Variants in STK32B observed in about 807,000 individuals in gnomAD.
STK32B encodes the protein serine/threonine kinase 32B.
A neutral mutation model predicts 52.6 loss-of-function variants in STK32B; 43 were observed. The observed-to-expected ratio is 0.82, with a 90% confidence interval of 0.64 to 1.05. The LOEUF (loss-of-function observed/expected upper bound fraction) is 1.05, where lower values mean the gene tolerates loss of function less well. STK32B is among the 50% of genes least tolerant of loss of function. STK32B has a pLI of 0.00. For missense variants in STK32B, 621 were observed against 534.6 expected (o/e 1.16, Z -1.59); for synonymous variants, 238 against 204.3 (o/e 1.17, Z -1.41).
intron 1 of STK32B, among the ~76,000 whole-genome samples, chr4:5,098,159 C>T (rs974253638): frequency 1.3e-5 from 2 of 152,192 alleles, no homozygotes; most frequent in African/African-American, 4.8e-5. Context: ...CAGAAATAGA[C>T]CCCATCTCTT....
At position 5,160,024 on chromosome 4, in the gene STK32B, T is replaced by G. The variant is rs189719052; in HGVS notation, c.109-8275T>G. Among the ~76,000 whole-genome samples the G allele has an allele frequency of 5.7e-4, 87 of 152,092 alleles. 1 individual carries two copies. Among genetic ancestry groups the G allele is most frequent in the African/African-American group, 2.0e-3 (85 of 41,474 alleles). On this transcript the variant is annotated intron_variant, in intron 2 of 11. Transcript: ENST00000282908. ...CAGGTTGGAGGAAGTCCATCCATAT[T>G]ACAGAGGGCAATCCTGTCTTCAAAG...
chr4:5,020,055 C>A, the STK32B span, among the ~76,000 whole-genome samples: 7 of 152,178 alleles, frequency 4.6e-5, no homozygotes, highest in African/African-American at 1.7e-4. Flanking sequence ...GTCTCTCGGT[C>A]CGGAGGATGG....
At chr4:5,339,904 T>C (rs556283125) in intron 4 of STK32B, among the ~76,000 whole-genome samples, 1 of 152,292 alleles carries the variant, frequency 6.6e-6, no homozygotes, top group East Asian at 1.9e-4. Flanking sequence ...GAACTGGCCT[T>C]GAAATCTGAT....
At chr4:5,257,095 ATGAG>A (rs763684326) in intron 3 of STK32B, among the ~76,000 whole-genome samples, 17 of 147,732 alleles carry the variant, frequency 1.2e-4, no homozygotes, top group Middle Eastern at 3.5e-3. Flanking sequence ...GAATGAATGA[ATGAG>A]TGAGTGAACA....
chr4:5,319,731 A>G (rs1177495851), intron 3 of STK32B, among the ~76,000 whole-genome samples: 2 of 152,200 alleles, frequency 1.3e-5, no homozygotes, highest in Admixed American at 6.5e-5. Context: ...TTAGTTCAGA[A>G]GAAAGAGATT....
chr4:5,296,545 T>C (rs901221390), intron 3 of STK32B, among the ~76,000 whole-genome samples: 2 of 152,222 alleles, frequency 1.3e-5, no homozygotes, highest in African/African-American at 4.8e-5. Context: ...TTGATCTTTG[T>C]TGGTTTACAG....
chr4:5,445,731 G>C (rs1715342719), intron 6 of STK32B, among the ~76,000 whole-genome samples: 1 of 152,174 alleles, frequency 6.6e-6, no homozygotes, highest in Non-Finnish European at 1.5e-5. Context: ...CATTCACAAT[G>C]TTTTATGAGC....
intron 3 of STK32B, among the ~76,000 whole-genome samples, chr4:5,241,359 T>C (rs1725008796): frequency 6.6e-6 from 1 of 152,152 alleles, no homozygotes; most frequent in African/African-American, 2.4e-5. Context: ...TACAAAAACT[T>C]ATGTAAATTG....
chr4:5,385,100 G>T (rs1560371099), intron 4 of STK32B, among the ~76,000 whole-genome samples: 1 of 152,104 alleles, frequency 6.6e-6, no homozygotes, highest in Admixed American at 6.5e-5. Flanking sequence ...TGACGTGATG[G>T]CCCCAGCTCT....
chr4:5,360,565 T>C (rs1236974781), intron 4 of STK32B, among the ~76,000 whole-genome samples: 1 of 152,152 alleles, frequency 6.6e-6, no homozygotes, highest in Admixed American at 6.6e-5. Context: ...GGGCCATTAC[T>C]GATGCAAGAG....
chr4:5,084,152 A>G (rs1255294168), intron 1 of STK32B, among the ~76,000 whole-genome samples: 1 of 152,204 alleles, frequency 6.6e-6, no homozygotes, highest in Non-Finnish European at 1.5e-5. Flanking sequence ...TGGATAGCTC[A>G]TATTTTAGAT....
chr4:5,246,452 G>A (rs1341010452), intron 3 of STK32B, among the ~76,000 whole-genome samples: 1 of 152,084 alleles, frequency 6.6e-6, no homozygotes, highest in Non-Finnish European at 1.5e-5. Flanking sequence ...CTCTGCATTG[G>A]TTTTTCTAGT....
intron 1 of STK32B, among the ~76,000 whole-genome samples, chr4:5,117,008 T>G (rs1297993247): frequency 6.6e-6 from 1 of 152,234 alleles, no homozygotes; most frequent in Non-Finnish European, 1.5e-5. Flanking sequence ...CCTGCAACTT[T>G]ACGGAATTCA....
chr4:5,218,756 A>T (rs115912134), intron 3 of STK32B, among the ~76,000 whole-genome samples: 1 of 152,332 alleles, frequency 6.6e-6, no homozygotes, highest in African/African-American at 2.4e-5. Context: ...TAAAATGCAG[A>T]GTAGAAGGTG....
intron 4 of STK32B, among the ~76,000 whole-genome samples, chr4:5,367,420 C>T (rs755512834): frequency 6.6e-6 from 1 of 152,300 alleles, no homozygotes; most frequent in Middle Eastern, 3.4e-3. Context: ...CTATCCATTC[C>T]TGTAGCCAAC....
chr4:5,221,943 C>G (rs112500434), intron 3 of STK32B, among the ~76,000 whole-genome samples: 6,490 of 152,042 alleles, frequency 0.043, 306 homozygotes, highest in African/African-American at 0.12. Flanking sequence ...CAGGTCTCCT[C>G]CATCACAAAT....
rs552540396 is a variant in STK32B, at chr4:5,248,913, T to C, written c.260+80463T>C. On this transcript the variant is annotated intron_variant, in intron 3 of 11. Transcript: ENST00000282908. Reference sequence around the variant, plus strand: ...ACGCAGGAAGGGGAACATCACACACTGGGGACTGTTGTGGGGTGGGGGGAG... The same window carrying C: ...ACGCAGGAAGGGGAACATCACACACCGGGGACTGTTGTGGGGTGGGGGGAG... Among the ~76,000 whole-genome samples, 206 of 137,610 alleles carry C rather than the reference T, an allele frequency of 1.5e-3. 2 individuals carry two copies. Among genetic ancestry groups the C allele is most frequent in the African/African-American group, 5.3e-3 (193 of 36,154 alleles). The allele number at this position is 137,610 out of a possible 152,430, so 90.3% of individuals were successfully genotyped here. A position where few individuals can be genotyped will look rare whatever the true frequency, so the allele number is the denominator to read the frequency against.
intron 1 of STK32B, among the ~76,000 whole-genome samples, chr4:5,074,420 T>G (rs916781913): frequency 1.3e-5 from 2 of 152,074 alleles, no homozygotes; most frequent in Non-Finnish European, 2.9e-5. Context: ...CATGCCTTTG[T>G]CCACTGTATT....
intron 4 of STK32B, among the ~76,000 whole-genome samples, chr4:5,358,902 A>G (rs959787958): frequency 6.6e-6 from 1 of 152,178 alleles, no homozygotes; most frequent in Non-Finnish European, 1.5e-5. Flanking sequence ...CATATACTTT[A>G]TGTTTTGCCT....
Sources: gnomAD v4.1 joint callset for allele counts (sites outside exome capture counted in the v4.1 genomes callset) on GRCh38, gnomAD v4.1.1 for gene constraint, MANE v1.5 for transcripts, NCBI Gene and HGNC (gene_info 2026-07-23, HGNC 2026-07-21) for gene names.